Variants in PUM2 observed in about 807,000 individuals in gnomAD.
The protein encoded by PUM2 is pumilio RNA binding family member 2.
In PUM2, 57 loss-of-function variants were observed where a neutral mutation model predicts 124.5. The observed-to-expected ratio is 0.46, with a 90% CI of 0.37 to 0.57. The LOEUF (loss-of-function observed/expected upper bound fraction) is 0.57. PUM2 is among the 20% of genes least tolerant of loss of function. The pLI is 0.00. For missense variants in PUM2, 1,065 were observed against 1,290.6 expected (o/e 0.83, Z 2.68); for synonymous variants, 460 against 446.1 (o/e 1.03, Z -0.39).
upstream of PUM2, among the ~76,000 whole-genome samples, chr2:20,351,758 C>T (rs1478602175): frequency 6.6e-6 from 1 of 152,180 alleles, no homozygotes; most frequent in African/African-American, 2.4e-5. Context: ...TGCTGCACTT[C>T]GTAAATATTC....
rs759763126 is a variant in PUM2, at chr2:20,290,704, T to C, written c.1239A>G (p.Ala413=). The C allele has an allele frequency of 2.5e-6, 4 of 1,613,428 alleles. No homozygotes were observed. The highest frequency in any genetic ancestry group is 2.2e-5 in the East Asian group (1 of 44,872). ...GQQAESLAAA[A]AANPTLAFGQ... ...CAAAAGCCAATGTTGGATTTGCTGC[T>C]GCAGCTGCCGCAAGTGATTCTGCTT... The change falls in exon 10 of 21, where the codon GCA becomes GCG. Residue 413 remains alanine, a synonymous_variant. Transcript: ENST00000361078.
At chr2:20,348,678 C>T (rs1362340991) in intron 1 of PUM2, among the ~76,000 whole-genome samples, 12 of 152,244 alleles carry the variant, frequency 7.9e-5, no homozygotes, top group African/African-American at 2.9e-4. Flanking sequence ...GCCTGTAATC[C>T]CGGCACTCTG....
chr2:20,325,152 T>C (rs1683364120), intron 2 of PUM2, among the ~76,000 whole-genome samples: 1 of 152,198 alleles, frequency 6.6e-6, no homozygotes, highest in African/African-American at 2.4e-5. Context: ...GAAAGGCTTG[T>C]GGGAGAGAGA....
intron 12 of PUM2, 77 bp downstream of exon 12, chr2:20,282,870 T>G: frequency 3.5e-6 from 5 of 1,421,226 alleles, no homozygotes; most frequent in Non-Finnish European, 4.8e-6. Context: ...CATGCTATTA[T>G]TGCTTATTTT....
Position 20,294,432 on chromosome 2 carries a change from C to A in PUM2, c.1096G>T (p.Ala366Ser). The A allele has an allele frequency of 6.2e-7, 1 of 1,614,126 alleles. No homozygotes were observed. Among genetic ancestry groups the A allele is most frequent in the East Asian group, 2.2e-5 (1 of 44,880 alleles). The change falls in exon 9 of 21, where the codon GCA becomes TCA. Residue 366 changes from alanine (A) to serine (S), a missense_variant. Physicochemically the swap from Ala to Ser is moderately conservative, Grantham distance 99 (BLOSUM62 1). This residue lies in a region of PUM2 where 968 missense variants were observed against 1,159.8 expected (regional missense o/e 0.83). Transcript: ENST00000361078. ...GCTTGCTGACTGGCTGTGTTATTTGCCGCAGCTGCAGCTTGCTGCTGAAAT... is the reference window on the plus strand; with the variant it reads ...GCTTGCTGACTGGCTGTGTTATTTGACGCAGCTGCAGCTTGCTGCTGAAAT... ...NLFQQQAAAAANNTASQQAAS... is the reference protein window; with the variant it reads ...NLFQQQAAAASNNTASQQAAS...
chr2:20,266,132 T>C (rs1021442072), intron 13 of PUM2, among the ~76,000 whole-genome samples: 1 of 152,112 alleles, frequency 6.6e-6, no homozygotes, highest in African/African-American at 2.4e-5. Flanking sequence ...GACTAAGTGG[T>C]CTTCTCATAT....
At chr2:20,349,519 T>G (rs78807617) in intron 1 of PUM2, among the ~76,000 whole-genome samples, 6 of 125,856 alleles carry the variant, frequency 4.8e-5, no homozygotes, top group Non-Finnish European at 7.0e-5. Context: ...CTCATTTTTG[T>G]TTTTTTTTTT....
chr2:20,295,096 G>A (rs1675196338), intron 8 of PUM2, among the ~76,000 whole-genome samples: 1 of 152,076 alleles, frequency 6.6e-6, no homozygotes, highest in Non-Finnish European at 1.5e-5. Flanking sequence ...CATTTATGTG[G>A]TTAGGAAAAT....
intron 1 of PUM2, among the ~76,000 whole-genome samples, chr2:20,334,322 T>A (rs1158907160): frequency 1.3e-5 from 2 of 152,068 alleles, no homozygotes; most frequent in Non-Finnish European, 2.9e-5. Context: ...CAAAAAAATT[T>A]TTTAAATTAA....
intron 19 of PUM2, 92 bp from the exon 20 acceptor site, chr2:20,254,106 A>C: frequency 9.3e-7 from 1 of 1,077,964 alleles, no homozygotes; most frequent in Non-Finnish European, 1.3e-6. Context: ...TCCAATGAAC[A>C]ATAAAACAGA....
rs753400751 is a variant in PUM2, at chr2:20,290,625, A to G, written c.1291+27T>C. ...ACACTTAACATCTGAAATCTATTCA[A>G]ATTTCCACAAATGACCAATTGTATA... On this transcript the variant is annotated intron_variant, in intron 10 of 20. Coordinates refer to ENST00000361078, the MANE Select transcript of PUM2 (RefSeq NM_015317.5). 10 of 1,583,502 alleles carry G rather than the reference A, an allele frequency of 6.3e-6. No homozygotes were observed. The South Asian group carries it at 8.2e-5, about 13-fold the overall frequency.
In PUM2 at chr2:20,260,348, T is replaced by A; in HGVS notation, c.2344A>T (p.Lys782Ter). The A allele has an allele frequency of 6.2e-7, 1 of 1,608,874 alleles. No individual in the cohort carries two copies. Among genetic ancestry groups the A allele is most frequent in the Non-Finnish European group, 8.5e-7 (1 of 1,177,204 alleles). The change falls in exon 15 of 21, where the codon AAG becomes TAG. Residue 782 changes from lysine (K) to a stop codon, truncating the protein, a stop_gained. Coordinates refer to ENST00000361078, the MANE Select transcript of PUM2 (RefSeq NM_015317.5). LOFTEE classifies it high-confidence loss of function. ...TDVFGNYVIQ[K>*]FFEFGSLDQK... ...GCATGAATCCTTACCTCAAAAAACT[T>A]CTGTATAACATAGTTGCCAAAAACA... is the stretch of plus-strand genomic sequence containing the variant.
intron 1 of PUM2, among the ~76,000 whole-genome samples, chr2:20,344,713 T>C (rs1315733915): frequency 1.3e-5 from 2 of 152,154 alleles, no homozygotes; most frequent in Non-Finnish European, 2.9e-5. Flanking sequence ...CTGGGCACAG[T>C]GGCTCACACC....
At chr2:20,332,350 T>A (rs931992098) in intron 1 of PUM2, among the ~76,000 whole-genome samples, 2 of 149,840 alleles carry the variant, frequency 1.3e-5, no homozygotes, top group African/African-American at 5.0e-5. Context: ...TCAGATCATA[T>A]CTAAATGGAG....
rs200294801 is a variant in PUM2 at position 20,261,394 on chromosome 2, C to CAAAAAAAAAAAAAAAAAAAA, written c.2226-948_2226-929dup. ...AAGCGACAGAGTGAGACTCTGTCTC[C>CAAAAAAAAAAAAAAAAAAAA]AAAAAAAAAAAAAAAAAAAAAAAAA... On this transcript the variant is annotated intron_variant, in intron 14 of 20. Transcript: ENST00000361078. Among the ~76,000 whole-genome samples the CAAAAAAAAAAAAAAAAAAAA allele has an allele frequency of 2.2e-4, 17 of 76,780 alleles. 1 individual carries two copies. Among genetic ancestry groups the CAAAAAAAAAAAAAAAAAAAA allele is most frequent in the Non-Finnish European group, 3.5e-4 (13 of 36,898 alleles). The allele number at this position is 76,780 out of a possible 152,430, so 50.4% of individuals were successfully genotyped here. A position where few individuals can be genotyped will look rare whatever the true frequency, so the allele number is the denominator to read the frequency against.
At chr2:20,270,581 C>T (rs1668803839) in intron 13 of PUM2, among the ~76,000 whole-genome samples, 2 of 152,080 alleles carry the variant, frequency 1.3e-5, no homozygotes, top group African/African-American at 4.8e-5. Context: ...AAAAACTCCA[C>T]AACTGACTGT....
intron 1 of PUM2, among the ~76,000 whole-genome samples, chr2:20,335,541 G>A (rs937751904): frequency 2.6e-5 from 4 of 152,158 alleles, no homozygotes; most frequent in South Asian, 2.1e-4. Context: ...TTTCAGTGAC[G>A]AACAAGTCAC....
At chr2:20,295,689 A>C (rs571094683) in intron 8 of PUM2, among the ~76,000 whole-genome samples, 6 of 152,218 alleles carry the variant, frequency 3.9e-5, no homozygotes, top group Non-Finnish European at 7.3e-5. Flanking sequence ...TATAAAAAAT[A>C]TAAGTTTTGT....
intron 9 of PUM2, among the ~76,000 whole-genome samples, chr2:20,293,984 T>C (rs555018748): frequency 4.1e-4 from 62 of 152,248 alleles, no homozygotes; most frequent in Non-Finnish European, 6.8e-4. Context: ...AAATAAAAAA[T>C]ACCTACTAAT....
Sources: allele counts gnomAD v4.1 joint callset (sites outside exome capture counted in the v4.1 genomes callset), GRCh38; gene constraint gnomAD v4.1.1; regional missense constraint gnomAD v4.1.1; transcripts MANE v1.5; gene names NCBI Gene and HGNC (gene_info 2026-07-23, HGNC 2026-07-21).